PIR: variants seen among roughly 807,000 people sequenced by gnomAD.
PIR encodes the protein pirin.
Under a neutral mutation model 24.2 loss-of-function variants are expected in PIR, and 22 were observed. The observed-to-expected ratio is 0.91, with a 90% CI of 0.65 to 1.30. The LOEUF (loss-of-function observed/expected upper bound fraction) is 1.30. PIR is among the 50% of genes most tolerant of loss of function. PIR has a pLI of 0.00. For synonymous variants in PIR, 80 were observed against 79.6 expected (o/e 1.00, Z -0.03); for missense variants, 220 against 220.3 (o/e 1.00, Z 0.01).
intron 5 of PIR, among the ~76,000 whole-genome samples, chrX:15,435,421 G>C (rs1266513728): frequency 2.7e-5 from 3 of 111,611 alleles, no homozygotes; most frequent in Non-Finnish European, 5.7e-5. Flanking sequence ...CTTTATCCCT[G>C]TTAAGTTTGC....
intron 7 of PIR, among the ~76,000 whole-genome samples, chrX:15,399,707 TTTATG>T (rs1924314562): frequency 8.9e-6 from 1 of 111,757 alleles, no homozygotes; most frequent in African/African-American, 3.3e-5. Context: ...CAAAATATAG[TTTATG>T]TTAATTATTA....
At chrX:15,479,969 C>T (rs1922414982) in intron 2 of PIR, 148 bp from the exon 3 acceptor site, 2 of 355,005 alleles carry the variant, frequency 5.6e-6, no homozygotes, top group Non-Finnish European at 5.0e-6. Context: ...TCAGGAAGAA[C>T]TTCTTATACA....
At chrX:15,409,752 A>G (rs1050932358) in intron 6 of PIR, among the ~76,000 whole-genome samples, 1 of 111,597 alleles carries the variant, frequency 9.0e-6, no homozygotes. Context: ...TTTCTTTTTC[A>G]GAGCACCAAT....
intron 2 of PIR, among the ~76,000 whole-genome samples, chrX:15,487,927 T>C (rs763846136): frequency 4.4e-5 from 5 of 112,442 alleles, no homozygotes; most frequent in African/African-American, 6.5e-5. Context: ...AAAATAGCTC[T>C]GGGTCCAAAG....
intron 6 of PIR, among the ~76,000 whole-genome samples, chrX:15,411,583 G>C (rs1308616340): frequency 9.0e-6 from 1 of 111,286 alleles, no homozygotes; most frequent in Non-Finnish European, 1.9e-5. Flanking sequence ...GGGCTAAGGA[G>C]AGATTGCAAC....
intron 6 of PIR, among the ~76,000 whole-genome samples, chrX:15,412,712 C>T (rs1010997937): frequency 1.8e-5 from 2 of 111,936 alleles, no homozygotes; most frequent in Non-Finnish European, 3.8e-5. Flanking sequence ...CTGCCTGCCC[C>T]GCCTCCATAT....
chrX:15,457,894 G>A (rs1921147457), intron 4 of PIR, among the ~76,000 whole-genome samples: 1 of 112,272 alleles, frequency 8.9e-6, no homozygotes. Flanking sequence ...TTGACATACT[G>A]TCTATGTCTG....
chrX:15,443,114 T>A (rs1925974051), intron 5 of PIR, among the ~76,000 whole-genome samples: 1 of 112,061 alleles, frequency 8.9e-6, no homozygotes, highest in Non-Finnish European at 1.9e-5. Context: ...ATGCAGCTGG[T>A]GACTTTAAGT....
intron 5 of PIR, among the ~76,000 whole-genome samples, chrX:15,444,767 A>T (rs190635542): frequency 1.8e-5 from 2 of 111,511 alleles, no homozygotes; most frequent in South Asian, 7.6e-4. Context: ...GTAGTTACCT[A>T]GAGACACTCA....
chrX:15,442,266 G>C (rs1925940379), intron 5 of PIR, among the ~76,000 whole-genome samples: 2 of 110,734 alleles, frequency 1.8e-5, no homozygotes, highest in Admixed American at 1.9e-4. Flanking sequence ...TATTGAAATT[G>C]TTTTGATGCA....
At chrX:15,408,306 T>C (rs1924615369) in intron 6 of PIR, among the ~76,000 whole-genome samples, 2 of 111,424 alleles carry the variant, frequency 1.8e-5, no homozygotes, top group Admixed American at 1.9e-4. Flanking sequence ...TCTAGTTGCA[T>C]TCTGGTTCCA....
intron 3 of PIR, among the ~76,000 whole-genome samples, chrX:15,472,226 C>A (rs1921960088): frequency 8.9e-6 from 1 of 112,032 alleles, no homozygotes; most frequent in Non-Finnish European, 1.9e-5. Flanking sequence ...TTAACAAATA[C>A]AACTGAACAT....
chrX:15,456,861 G>C (rs1428265443), intron 4 of PIR, among the ~76,000 whole-genome samples: 1 of 112,539 alleles, frequency 8.9e-6, no homozygotes, highest in Non-Finnish European at 1.9e-5. Context: ...GTTTGTTCAT[G>C]TCTGTATTAA....
chrX:15,455,912 AT>A lies in PIR; in HGVS notation c.415del (p.Ile139SerfsTer9). The A allele has an allele frequency of 8.3e-7, 1 of 1,210,495 alleles. No homozygotes were observed. Among genetic ancestry groups the A allele is most frequent in the Non-Finnish European group, 1.1e-6 (1 of 894,413 alleles). ...CACACCATCCTTACTGGGTTTAGGGATTTCTTCACTTTTCAGTTCCTGGTAC... is the reference window on the plus strand; with the variant it reads ...CACACCATCCTTACTGGGTTTAGGGATTCTTCACTTTTCAGTTCCTGGTAC... ...PQYQELKSEEIPKPSKDGVTV... is the reference protein window; with the variant it reads ...PQYQELKSEEXPKPSKDGVTV... On this transcript the variant is annotated frameshift_variant, in exon 5 of 10. Transcript: ENST00000380420. LOFTEE classifies it high-confidence loss of function.
chrX:15,394,268 T>C (rs764092964), intron 8 of PIR, among the ~76,000 whole-genome samples: 8 of 112,319 alleles, frequency 7.1e-5, no homozygotes, highest in South Asian at 3.7e-4. Flanking sequence ...AAAAATTTAG[T>C]GGTTTATTTC....
intron 6 of PIR, among the ~76,000 whole-genome samples, chrX:15,413,484 A>G (rs760836426): frequency 8.9e-6 from 1 of 112,190 alleles, no homozygotes; most frequent in East Asian, 2.8e-4. Context: ...AATTGGTGAC[A>G]TAAGTTGGGT....
In PIR at chrX:15,459,688, T is replaced by C. The variant is rs757045955; in HGVS notation, c.242A>G (p.His81Arg). ...ATCTCCTGGGTTCATTTTACCAGTG[T>C]GTCCACAGAAGTCTTCATGGGCCAT... The part of the protein sequence containing the change: ...GSMAHEDFCG[H>R]TGKMNPGDLQ... The change falls in exon 4 of 10, where the codon CAC (histidine) becomes CGC (arginine). Residue 81 changes from histidine (H) to arginine (R), a missense_variant. Transcript: ENST00000380420. 2.5e-6 allele frequency: 3 copies of C among 1,194,919 alleles called. No homozygotes were observed. Among genetic ancestry groups the C allele is most frequent in the Non-Finnish European group, 3.4e-6 (3 of 881,828 alleles).
chrX:15,398,113 G>T (rs901153803), intron 7 of PIR, among the ~76,000 whole-genome samples: 3 of 110,438 alleles, frequency 2.7e-5, no homozygotes, highest in Non-Finnish European at 5.7e-5. Context: ...GGGGGTAGGG[G>T]GGAGGGATAG....
Position 15,458,566 on chromosome X carries a change from G to A in PIR, c.273+1091C>T, listed in dbSNP as rs772405962. The stretch of plus-strand genomic sequence containing the variant: ...AGGTGGAAGGATCACTTGAGCTGGG[G>A]AGGTCGAGGCTGCAGTGAATAGTGA... On this transcript the variant is annotated intron_variant, in intron 4 of 9. Transcript: ENST00000380420. Among the ~76,000 whole-genome samples the A allele has an allele frequency of 6.3e-5, 7 of 111,950 alleles. No homozygotes were observed. The South Asian group carries it at 2.6e-3, about 42-fold the overall frequency.
Sources: allele counts gnomAD v4.1 joint callset (sites outside exome capture counted in the v4.1 genomes callset), GRCh38; gene constraint gnomAD v4.1.1; transcripts MANE v1.5; gene names NCBI Gene and HGNC (gene_info 2026-07-23, HGNC 2026-07-21).